WDR26: variants seen among roughly 807,000 people sequenced by gnomAD.
WDR26 encodes WD repeat-containing protein 26.
In WDR26, 5 loss-of-function variants were observed where a neutral mutation model predicts 84.1. The ratio of observed to expected loss-of-function variants is 0.06; its 90% CI spans 0.03 to 0.13. WDR26 has a LOEUF of 0.13. WDR26 is among the 10% of genes least tolerant of loss of function. The pLI, the probability that WDR26 is intolerant of heterozygous loss-of-function variation, is 1.00. For synonymous variants in WDR26, 415 were observed against 389.6 expected, an observed-to-expected ratio of 1.07 and a Z score of -0.77; for missense variants, 642 against 974.9, an observed-to-expected ratio of 0.66 and a Z score of 4.55.
intron 6 of WDR26, among the ~76,000 whole-genome samples, chr1:224,413,909 A>G (rs1337545392): frequency 6.6e-6 from 1 of 152,152 alleles, no homozygotes; most frequent in East Asian, 1.9e-4. Context: ...TCCTGGGTTC[A>G]AGTGATTCTC....
In WDR26 at chr1:224,427,103, C is replaced by CAAAAAAAAAAAAAAAAA. The variant is rs769063024; in HGVS notation, c.928-2450_928-2449insTTTTTTTTTTTTTTTTT. Among the ~76,000 whole-genome samples, 8 of 91,166 alleles carry CAAAAAAAAAAAAAAAAA rather than the reference C, an allele frequency of 8.8e-5. 1 individual carries two copies. The highest frequency in any genetic ancestry group is 2.6e-4 in the African/African-American group (6 of 23,114). The allele number at this position is 91,166 out of a possible 152,430, so 59.8% of individuals were successfully genotyped here. On this transcript the variant is annotated intron_variant, in intron 3 of 13. Coordinates refer to ENST00000414423, the MANE Select transcript of WDR26 (RefSeq NM_001379403.1). Reference sequence around the variant, plus strand: ...GGGCAACGAGAGCAAAACTCTGTCTCCAAAAAAAAAAAAAAAAAAAAAAAG... The same window carrying CAAAAAAAAAAAAAAAAA: ...GGGCAACGAGAGCAAAACTCTGTCTCAAAAAAAAAAAAAAAAACAAAAAAAAAAAAAAAAAAAAAAAG...
intron 6 of WDR26, among the ~76,000 whole-genome samples, chr1:224,417,100 C>T (rs1673927246): frequency 1.3e-5 from 2 of 152,140 alleles, no homozygotes; most frequent in Non-Finnish European, 2.9e-5. Context: ...AGGTTAAAAA[C>T]TCAATAGGTA....
chr1:224,425,102 C>A (rs1674171630), intron 3 of WDR26, among the ~76,000 whole-genome samples: 1 of 152,112 alleles, frequency 6.6e-6, no homozygotes, highest in Non-Finnish European at 1.5e-5. Context: ...AGCAAATGAA[C>A]TATTTAAGTC....
intron 1 of WDR26, 57 bp from the exon 2 acceptor site, chr1:224,431,838 C>T (rs1168763897): frequency 6.7e-6 from 9 of 1,345,748 alleles, no homozygotes; most frequent in South Asian, 1.6e-5. Flanking sequence ...TTTAATCCTT[C>T]AAATAAACTA....
intron 7 of WDR26, among the ~76,000 whole-genome samples, chr1:224,406,401 G>A (rs111545749): frequency 1.3e-3 from 194 of 152,224 alleles, no homozygotes; most frequent in African/African-American, 4.6e-3. Flanking sequence ...TGGGGGGATG[G>A]GGGGGAAATT....
intron 7 of WDR26, among the ~76,000 whole-genome samples, chr1:224,408,546 G>C (rs1305098492): frequency 6.6e-6 from 1 of 151,408 alleles, no homozygotes; most frequent in African/African-American, 2.4e-5. Flanking sequence ...AATGAAAACA[G>C]AACTCAGAAT....
At chr1:224,403,268 T>C (rs1406694598) in intron 8 of WDR26, among the ~76,000 whole-genome samples, 4 of 152,126 alleles carry the variant, frequency 2.6e-5, no homozygotes, top group African/African-American at 9.7e-5. Flanking sequence ...GCCAGGCTGG[T>C]CTTGAACTCC....
At chr1:224,433,657 C>A (rs748840848) in intron 1 of WDR26, 27 bp downstream of exon 1, 1 of 1,404,404 alleles carries the variant, frequency 7.1e-7, no homozygotes, top group South Asian at 1.4e-5. Flanking sequence ...GTCTGTCCAT[C>A]ACCAGCTGGC....
chr1:224,434,204 C>CGGAGGAGGAGGAGGAGGA lies in WDR26; in HGVS notation c.184_201dup (p.Ser62_Ser67dup), dbSNP rs144531645. On this transcript the variant is annotated inframe_insertion, in exon 1 of 14. Coordinates refer to ENST00000414423, the MANE Select transcript of WDR26 (RefSeq NM_001379403.1). ...GGGGGAAGTCCCACCACTACCACCACGGAGGAGGAGGAGGAGGAGGAGGAC... is the reference window on the plus strand; with the variant it reads ...GGGGGAAGTCCCACCACTACCACCACGGAGGAGGAGGAGGAGGAGGAGGAGGAGGAGGAGGAGGAGGAC... 3.2e-5 allele frequency: 43 copies of CGGAGGAGGAGGAGGAGGA among 1,342,506 alleles called. No individual in the cohort carries two copies. The East Asian group carries it at 3.4e-4, about 11-fold the overall frequency. The allele number at this position is 1,342,506 out of a possible 1,614,324, so 83.2% of individuals were successfully genotyped here.
intron 4 of WDR26, among the ~76,000 whole-genome samples, chr1:224,420,435 A>G (rs1204988855): frequency 6.6e-6 from 1 of 152,230 alleles, no homozygotes; most frequent in African/African-American, 2.4e-5. Flanking sequence ...ATTCTGTCTC[A>G]TGCTCTGCCA....
At chr1:224,422,111 G>A (rs1253140475) in intron 4 of WDR26, among the ~76,000 whole-genome samples, 1 of 152,220 alleles carries the variant, frequency 6.6e-6, no homozygotes, top group Non-Finnish European at 1.5e-5. Flanking sequence ...CTTGGGAGAT[G>A]ATGATGCTTG....
At chr1:224,391,363 CAAAAAAAAAAAAA>C (rs869213487) in intron 13 of WDR26, among the ~76,000 whole-genome samples, 3 of 89,146 alleles carry the variant, frequency 3.4e-5, no homozygotes, top group African/African-American at 1.4e-4. Flanking sequence ...AACTCTGTCT[CAAAAAAAAAAAAA>C]AAAAAAACAA....
chr1:224,393,663 C>A (rs1558414220), intron 13 of WDR26, among the ~76,000 whole-genome samples, 165 bp downstream of exon 13: 1 of 152,180 alleles, frequency 6.6e-6, no homozygotes, highest in African/African-American at 2.4e-5. Flanking sequence ...TTGGCTCTTA[C>A]ACTACTTAAA....
At chr1:224,411,271 A>G (rs1385134404) in intron 7 of WDR26, among the ~76,000 whole-genome samples, 156 bp downstream of exon 7, 1 of 152,228 alleles carries the variant, frequency 6.6e-6, no homozygotes, top group Non-Finnish European at 1.5e-5. Context: ...TAACTTACAT[A>G]TATTATCTAT....
intron 3 of WDR26, among the ~76,000 whole-genome samples, chr1:224,426,555 A>C (rs1674214549): frequency 6.6e-6 from 1 of 152,116 alleles, no homozygotes; most frequent in Non-Finnish European, 1.5e-5. Context: ...TTAATTACCA[A>C]GATGCTCTGA....
intron 7 of WDR26, among the ~76,000 whole-genome samples, chr1:224,408,364 T>C (rs552365104): frequency 6.6e-6 from 1 of 152,334 alleles, no homozygotes; most frequent in South Asian, 2.1e-4. Context: ...TTACGGTGTA[T>C]TATCATGTGC....
intron 8 of WDR26, 67 bp downstream of exon 8, chr1:224,404,363 T>C: frequency 6.6e-7 from 1 of 1,520,832 alleles, no homozygotes; most frequent in Non-Finnish European, 8.9e-7. Context: ...TCAATAAAGT[T>C]ATAATGAATA....
At position 224,434,199 on chromosome 1, in the gene WDR26, C is replaced by T. The variant is rs1404811147; in HGVS notation, c.207G>A (p.Val69=). 6 of 1,410,474 alleles carry T rather than the reference C, an allele frequency of 4.3e-6. No homozygotes were observed. The highest frequency in any genetic ancestry group is 5.5e-6 in the Non-Finnish European group (6 of 1,089,030). 87.4% of individuals were successfully genotyped at this position (1,410,474 alleles called of 1,614,324 possible). Residue 69 remains valine (V), a synonymous_variant, in exon 1 of 14, where the codon GTG becomes GTA. Coordinates refer to ENST00000414423, the MANE Select transcript of WDR26 (RefSeq NM_001379403.1). ...CAGCCGGGGGAAGTCCCACCACTACCACCACGGAGGAGGAGGAGGAGGAGG... is the reference window on the plus strand; with the variant it reads ...CAGCCGGGGGAAGTCCCACCACTACTACCACGGAGGAGGAGGAGGAGGAGG...
chr1:224,406,623 A>G lies in WDR26; in HGVS notation c.1459-2053T>C, dbSNP rs375041877. 5.3e-5 allele frequency among the ~76,000 whole-genome samples: 8 copies of G among 152,296 alleles called. No homozygotes were observed. The South Asian group carries it at 1.4e-3, about 28-fold the overall frequency. ...AAATTGAATAGTTAACAATGCGACT[A>G]CTTCTGATTCTTCTTTGGGAAGTGG... On this transcript the variant is annotated intron_variant, in intron 7 of 13. Coordinates refer to ENST00000414423, the MANE Select transcript of WDR26 (RefSeq NM_001379403.1).
Sources: allele counts gnomAD v4.1 joint callset (sites outside exome capture counted in the v4.1 genomes callset), GRCh38; gene constraint gnomAD v4.1.1; transcripts MANE v1.5; gene names NCBI Gene and HGNC (gene_info 2026-07-23, HGNC 2026-07-21).